Variants in PPM1L observed in about 807,000 individuals in gnomAD.
The protein encoded by PPM1L is protein phosphatase, Mg2+/Mn2+ dependent 1L.
Under a neutral mutation model 31.4 loss-of-function variants are expected in PPM1L, and 13 were observed. The ratio of observed to expected loss-of-function variants is 0.41; its 90% CI spans 0.27 to 0.66. PPM1L has a LOEUF of 0.66. Ranked by LOEUF, PPM1L falls within the 30% of genes least tolerant of loss-of-function variation. The probability of loss-of-function intolerance (pLI) is 0.29; values close to 1 mark genes in which losing one functional copy is unlikely to be tolerated. For missense variants in PPM1L, 326 were observed against 453.7 expected (o/e 0.72, Z 2.56); for synonymous variants, 184 against 175.4 (o/e 1.05, Z -0.39).
intron 2 of PPM1L, among the ~76,000 whole-genome samples, chr3:161,018,378 A>ATCAAATGGTTTTCATATGTTC (rs1718144372): frequency 6.6e-6 from 1 of 152,250 alleles, no homozygotes; most frequent in South Asian, 2.1e-4. Context: ...TAGTAATAAT[A>ATCAAATGGTTTTCATATGTTC]TCAAATGGTT....
At chr3:160,989,587 C>T (rs1362908354) in intron 2 of PPM1L, among the ~76,000 whole-genome samples, 1 of 151,988 alleles carries the variant, frequency 6.6e-6, no homozygotes, top group Admixed American at 6.5e-5. Context: ...GTTTTGAACC[C>T]CTGACCTCAG....
intron 1 of PPM1L, among the ~76,000 whole-genome samples, chr3:160,797,251 G>A (rs1422925408): frequency 1.3e-5 from 2 of 151,998 alleles, no homozygotes; most frequent in African/African-American, 4.8e-5. Flanking sequence ...TCTGGTCAGT[G>A]ATACTTGATG....
At chr3:161,013,999 A>G (rs1717985764) in intron 2 of PPM1L, among the ~76,000 whole-genome samples, 2 of 152,166 alleles carry the variant, frequency 1.3e-5, no homozygotes, top group African/African-American at 2.4e-5. Flanking sequence ...GTGTCTTTTA[A>G]TTGGAGCATT....
intron 1 of PPM1L, among the ~76,000 whole-genome samples, chr3:160,819,657 A>G (rs111838797): frequency 2.0e-5 from 3 of 152,014 alleles, no homozygotes; most frequent in African/African-American, 7.2e-5. Context: ...AGAGGGGACA[A>G]TTAGTCAGTA....
chr3:160,849,579 C>A (rs1321132366), intron 1 of PPM1L, among the ~76,000 whole-genome samples: 1 of 151,900 alleles, frequency 6.6e-6, no homozygotes, highest in Admixed American at 6.6e-5. Context: ...CACCACCACG[C>A]CCGGCTAATT....
At chr3:160,804,246 T>C (rs1712529297) in intron 1 of PPM1L, among the ~76,000 whole-genome samples, 1 of 152,176 alleles carries the variant, frequency 6.6e-6, no homozygotes, top group South Asian at 2.1e-4. Flanking sequence ...TTGTTAACTA[T>C]AATTTAACTT....
At chr3:160,768,940 G>A (rs1289635830) in intron 1 of PPM1L, among the ~76,000 whole-genome samples, 2 of 152,192 alleles carry the variant, frequency 1.3e-5, no homozygotes, top group African/African-American at 4.8e-5. Flanking sequence ...CTGAACTGCT[G>A]CAGCCATCTT....
At chr3:161,037,699 T>A (rs1031949161) in intron 2 of PPM1L, among the ~76,000 whole-genome samples, 51 of 150,212 alleles carry the variant, frequency 3.4e-4, no homozygotes, top group African/African-American at 1.2e-3. Flanking sequence ...CCCAAAGTGC[T>A]GGGATTACGG....
intron 1 of PPM1L, among the ~76,000 whole-genome samples, chr3:160,845,119 T>C (rs1027901436): frequency 6.6e-6 from 1 of 152,206 alleles, no homozygotes; most frequent in Non-Finnish European, 1.5e-5. Flanking sequence ...TGTATTAATA[T>C]GAATATATAA....
intron 2 of PPM1L, among the ~76,000 whole-genome samples, chr3:161,059,925 C>T (rs970514119): frequency 6.6e-6 from 1 of 152,026 alleles, no homozygotes; most frequent in African/African-American, 2.4e-5. Context: ...TGAGGCCTCC[C>T]CAGAAGCAGA....
At chr3:161,038,161 G>A (rs1219404863) in intron 2 of PPM1L, among the ~76,000 whole-genome samples, 2 of 150,420 alleles carry the variant, frequency 1.3e-5, no homozygotes, top group African/African-American at 2.4e-5. Flanking sequence ...GTGAACCCGG[G>A]AGGCGGAGCT....
intron 1 of PPM1L, among the ~76,000 whole-genome samples, chr3:160,959,545 A>G (rs1290806688): frequency 6.6e-6 from 1 of 152,202 alleles, no homozygotes; most frequent in Non-Finnish European, 1.5e-5. Flanking sequence ...TGTAGAAAGT[A>G]TTGTCTGTGC....
chr3:160,932,007 C>T (rs1375037102), intron 1 of PPM1L, among the ~76,000 whole-genome samples: 3 of 151,658 alleles, frequency 2.0e-5, no homozygotes, highest in Admixed American at 2.0e-4. Flanking sequence ...TTTGCTCTTT[C>T]TCATTCTTTA....
chr3:160,941,216 A>T (rs1715151537), intron 1 of PPM1L, among the ~76,000 whole-genome samples: 2 of 152,176 alleles, frequency 1.3e-5, no homozygotes, highest in Non-Finnish European at 2.9e-5. Context: ...ACAGGCTCAT[A>T]GGCAGAAGGG....
intron 1 of PPM1L, among the ~76,000 whole-genome samples, chr3:160,777,476 A>T (rs547531147): frequency 1.9e-4 from 29 of 152,264 alleles, no homozygotes; most frequent in Non-Finnish European, 3.7e-4. Flanking sequence ...GAAGTTTTTT[A>T]TCTGGGAGAA....
At chr3:160,843,670 A>G (rs1175056060) in intron 1 of PPM1L, among the ~76,000 whole-genome samples, 2 of 151,242 alleles carry the variant, frequency 1.3e-5, no homozygotes, top group African/African-American at 2.4e-5. Flanking sequence ...CCTGTGTCCA[A>G]GTGTTCTCAT....
chr3:160,923,808 C>T (rs182979398), intron 1 of PPM1L, among the ~76,000 whole-genome samples: 74 of 152,236 alleles, frequency 4.9e-4, no homozygotes, highest in African/African-American at 1.5e-3. Context: ...GAGCATGTGG[C>T]GGTGCATTTG....
At chr3:160,915,091 T>C (rs1186848966) in intron 1 of PPM1L, among the ~76,000 whole-genome samples, 1 of 152,180 alleles carries the variant, frequency 6.6e-6, no homozygotes, top group Non-Finnish European at 1.5e-5. Flanking sequence ...TAAAGGGTAT[T>C]CAATTAGGAA....
At chr3:160,813,943 A>G (rs1026585998) in intron 1 of PPM1L, among the ~76,000 whole-genome samples, 1 of 152,230 alleles carries the variant, frequency 6.6e-6, no homozygotes, top group Non-Finnish European at 1.5e-5. Flanking sequence ...TACATCTGAA[A>G]CAAGTAAAAT....
Sources: gnomAD v4.1 joint callset for allele counts (sites outside exome capture counted in the v4.1 genomes callset) on GRCh38, gnomAD v4.1.1 for gene constraint, MANE v1.5 for transcripts, NCBI Gene and HGNC (gene_info 2026-07-23, HGNC 2026-07-21) for gene names.